RPS6KA2: variants seen among roughly 807,000 people sequenced by gnomAD.
RPS6KA2 encodes ribosomal protein S6 kinase A2.
Under a neutral mutation model 91.8 loss-of-function variants are expected in RPS6KA2, and 42 were observed. The ratio of observed to expected loss-of-function variants is 0.46; its 90% CI spans 0.36 to 0.59. The LOEUF is 0.59. Among genes scored for constraint, RPS6KA2 ranks in the 20% least tolerant of loss-of-function variants. RPS6KA2 has a pLI of 0.00. For missense variants in RPS6KA2, 798 were observed against 978.5 expected, an observed-to-expected ratio of 0.82 and a Z score of 2.46; for synonymous variants, 414 against 393.6, an observed-to-expected ratio of 1.05 and a Z score of -0.61.
intron 1 of RPS6KA2, among the ~76,000 whole-genome samples, chr6:166,615,522 A>G (rs907599440): frequency 2.0e-5 from 3 of 152,202 alleles, no homozygotes; most frequent in African/African-American, 7.2e-5. Flanking sequence ...GCCCAGTCAC[A>G]TCGGAAGGAC....
chr6:166,628,590 G>C (rs1443501739), upstream of RPS6KA2, among the ~76,000 whole-genome samples: 3 of 152,280 alleles, frequency 2.0e-5, no homozygotes, highest in African/African-American at 7.2e-5. Flanking sequence ...GGTGAGGTCA[G>C]ATAGGCTCTC....
At position 166,648,250 on chromosome 6, in the gene RPS6KA2, G is replaced by T. The variant is rs528905471; in HGVS notation, c.124-109466C>A. On this transcript the variant is annotated intron_variant, in intron 2 of 21. Coordinates refer to the RPS6KA2 transcript ENST00000503859. The surrounding 1 kb of genome is among the most constrained non-coding windows in gnomAD (Gnocchi z 4.8). ...TGCGCACACACACACATTCACACAGGCACACACACTCATGTTCATACACAC... is the reference window on the plus strand; with the variant it reads ...TGCGCACACACACACATTCACACAGTCACACACACTCATGTTCATACACAC... Among the ~76,000 whole-genome samples the T allele has an allele frequency of 4.4e-4, 52 of 118,824 alleles. No individual in the cohort carries two copies. Among genetic ancestry groups the T allele is most frequent in the African/African-American group, 1.2e-3 (42 of 33,866 alleles). The allele number at this position is 118,824 out of a possible 152,430, so 78.0% of individuals were successfully genotyped here. A position where few individuals can be genotyped will look rare whatever the true frequency, so the allele number is the denominator to read the frequency against.
In RPS6KA2 at chr6:166,790,601, G is replaced by C. The variant is rs532887655; in HGVS notation, c.123+67599C>G. Among the ~76,000 whole-genome samples, 156 of 152,212 alleles carry C rather than the reference G, an allele frequency of 1.0e-3. 1 individual carries two copies. Among genetic ancestry groups the C allele is most frequent in the African/African-American group, 3.5e-3 (147 of 41,514 alleles). The stretch of plus-strand genomic sequence containing the variant: ...TTGAAATGAAGGAAAAAATGTTAAG[G>C]GCAGCCAGAGAGAAAGCTCGGGTTA... On this transcript the variant is annotated intron_variant, in intron 2 of 21. Transcript: ENST00000503859.
At chr6:166,668,057 C>G (rs1366511622) in intron 2 of RPS6KA2, among the ~76,000 whole-genome samples, 3 of 152,332 alleles carry the variant, frequency 2.0e-5, no homozygotes, top group Admixed American at 6.5e-5. Context: ...GATTAAAGCA[C>G]TCAGTGTGCA....
intron 1 of RPS6KA2, among the ~76,000 whole-genome samples, chr6:166,593,740 TA>T (rs1785430487): frequency 6.6e-6 from 1 of 152,034 alleles, no homozygotes; most frequent in African/African-American, 2.4e-5. Flanking sequence ...ATAGTTCAAT[TA>T]AAATGGCAAA....
Position 166,557,676 on chromosome 6 carries a change from AAAT to A in RPS6KA2, c.100-18895_100-18893del, listed in dbSNP as rs1784216727. ...ATAGAAAAGTCCAGGCAACTTACAG[AAAT>A]AATACAGATAAATTACAAGAAAGTT... is the stretch of plus-strand genomic sequence containing the variant. On this transcript the variant is annotated intron_variant, in intron 1 of 20. Transcript: ENST00000265678. This position sits in a 1 kb window ranked among gnomAD's most constrained non-coding sequence, Gnocchi z 4.8. Among the ~76,000 whole-genome samples, 1 of 152,242 alleles carries A rather than the reference AAAT, an allele frequency of 6.6e-6. No individual in the cohort carries two copies. The highest frequency in any genetic ancestry group is 2.1e-4 in the South Asian group (1 of 4,834).
At chr6:166,747,930 A>T (rs1229750721) in intron 2 of RPS6KA2, among the ~76,000 whole-genome samples, 1 of 152,196 alleles carries the variant, frequency 6.6e-6, no homozygotes, top group Non-Finnish European at 1.5e-5. Context: ...GTACGGACAC[A>T]GAGCAGACAC....
At chr6:166,525,794 C>T (rs1284984064) in intron 3 of RPS6KA2, among the ~76,000 whole-genome samples, 1 of 152,164 alleles carries the variant, frequency 6.6e-6, no homozygotes, top group African/African-American at 2.4e-5. Context: ...TGTTACCATG[C>T]GTTCCTTCTT....
chr6:166,439,602 C>A (rs1583136650), intron 14 of RPS6KA2, among the ~76,000 whole-genome samples: 1 of 152,178 alleles, frequency 6.6e-6, no homozygotes, highest in East Asian at 1.9e-4. Context: ...GGGCCGTGCA[C>A]ACAGACAGTG....
intron 2 of RPS6KA2, among the ~76,000 whole-genome samples, chr6:166,789,329 C>T (rs1010414595): frequency 6.6e-6 from 1 of 152,214 alleles, no homozygotes; most frequent in Non-Finnish European, 1.5e-5. Context: ...CCGCCATTGC[C>T]CAGGTTTGAT....
intron 2 of RPS6KA2, among the ~76,000 whole-genome samples, chr6:166,826,273 G>A (rs1343276720): frequency 6.6e-6 from 1 of 152,166 alleles, no homozygotes; most frequent in African/African-American, 2.4e-5. Flanking sequence ...TGAGAAAGTG[G>A]AAAAGTAGAA....
intron 14 of RPS6KA2, among the ~76,000 whole-genome samples, chr6:166,441,884 G>A (rs527443942): frequency 6.6e-6 from 1 of 152,358 alleles, no homozygotes; most frequent in East Asian, 1.9e-4. Context: ...GCCGGGGGCC[G>A]GGACCCTGGC....
chr6:166,841,727 G>A (rs550120243), intron 2 of RPS6KA2, among the ~76,000 whole-genome samples: 1 of 152,328 alleles, frequency 6.6e-6, no homozygotes, highest in East Asian at 1.9e-4. Flanking sequence ...AGCAAGTAAT[G>A]GGACCTGTGT....
chr6:166,500,837 T>C lies in RPS6KA2; in HGVS notation c.604+50A>G, dbSNP rs754296779. ...TGGGCTTTGAGGTGGTCCCCAAAGG[T>C]ACCAGGGCTGAGATGAAGCCATGGA... On this transcript the variant is annotated intron_variant, in intron 7 of 20. Coordinates refer to ENST00000265678, the MANE Select transcript of RPS6KA2 (RefSeq NM_021135.6). The surrounding 1 kb of genome is among the most constrained non-coding windows in gnomAD (Gnocchi z 4.3). The C allele has an allele frequency of 1.3e-6, 2 of 1,544,048 alleles. No homozygotes were observed. Among genetic ancestry groups the C allele is most frequent in the Admixed American group, 3.3e-5 (2 of 59,868 alleles).
At chr6:166,760,995 A>G (rs1473619457) in intron 2 of RPS6KA2, among the ~76,000 whole-genome samples, 2 of 152,182 alleles carry the variant, frequency 1.3e-5, no homozygotes, top group Non-Finnish European at 2.9e-5. Flanking sequence ...TTCATTCTTA[A>G]TGGCATTTAA....
chr6:166,547,145 A>C (rs541272292), intron 1 of RPS6KA2, among the ~76,000 whole-genome samples: 1 of 152,276 alleles, frequency 6.6e-6, no homozygotes, highest in Admixed American at 6.5e-5. Flanking sequence ...CAGACCGTTC[A>C]GATACCCAGC....
rs76291642 is a variant in RPS6KA2 at position 166,425,223 on chromosome 6, T to C, written c.1582-1806A>G. 9.3e-3 allele frequency among the ~76,000 whole-genome samples: 1,415 copies of C among 152,238 alleles called. 13 individuals carry two copies. Among genetic ancestry groups the C allele is most frequent in the African/African-American group, 0.032 (1,350 of 41,550 alleles). ...TTAGAAACACAGTCCTTTTTCTTTGTCTTCTTTAAAAATTATTATTCTTTT... is the reference window on the plus strand; with the variant it reads ...TTAGAAACACAGTCCTTTTTCTTTGCCTTCTTTAAAAATTATTATTCTTTT... On this transcript the variant is annotated intron_variant, in intron 16 of 20. Transcript: ENST00000265678.
chr6:166,431,295 A>G (rs1175830213), intron 15 of RPS6KA2, among the ~76,000 whole-genome samples: 1 of 152,242 alleles, frequency 6.6e-6, no homozygotes, highest in African/African-American at 2.4e-5. Flanking sequence ...GCAGGGCCTC[A>G]AGGCAGTGCT....
In RPS6KA2 at chr6:166,423,742, A is replaced by T. The variant is rs1778813732; in HGVS notation, c.1582-325T>A. 1 of 239,576 alleles carries T rather than the reference A, an allele frequency of 4.2e-6. No homozygotes were observed. The highest frequency in any genetic ancestry group is 1.4e-3 in the Middle Eastern group (1 of 708). The allele number at this position is 239,576 out of a possible 1,614,324, so 14.8% of individuals were successfully genotyped here. A position where few individuals can be genotyped will look rare whatever the true frequency, so the allele number is the denominator to read the frequency against. On this transcript the variant is annotated intron_variant, in intron 16 of 20. Transcript: ENST00000265678. The surrounding 1 kb of genome is among the most constrained non-coding windows in gnomAD (Gnocchi z 4.8). Reference sequence around the variant, plus strand: ...CTGTCACATAAAAGGAAATGTGGTGAGCTCTGGAGATAGGAATGAAAAGCA... The same window carrying T: ...CTGTCACATAAAAGGAAATGTGGTGTGCTCTGGAGATAGGAATGAAAAGCA...
Sources: gnomAD v4.1 joint callset for allele counts (sites outside exome capture counted in the v4.1 genomes callset) on GRCh38, gnomAD v4.1.1 for gene constraint, Gnocchi (gnomAD v3.1) non-coding constraint, MANE v1.5 for transcripts, NCBI Gene and HGNC (gene_info 2026-07-23, HGNC 2026-07-21) for gene names.